XPO4: variants seen among roughly 807,000 people sequenced by gnomAD.
XPO4 encodes exportin 4.
A neutral mutation model predicts 143.0 loss-of-function variants in XPO4; 39 were observed. That is an observed-to-expected ratio of 0.27 (90% CI 0.21 to 0.36). The LOEUF is 0.36. Ranked by LOEUF, XPO4 falls within the 10% of genes least tolerant of loss-of-function variation. The probability of loss-of-function intolerance (pLI) is 1.00; values close to 1 mark genes in which losing one functional copy is unlikely to be tolerated. For synonymous variants in XPO4, 439 were observed against 474.0 expected, an observed-to-expected ratio of 0.93 and a Z score of 0.96; for missense variants, 907 against 1,348.0, an observed-to-expected ratio of 0.67 and a Z score of 5.12.
rs1028403227 is a variant in XPO4 at position 20,796,109 on chromosome 13, G to A, written c.2764C>T (p.Leu922=). The A allele has an allele frequency of 1.9e-6, 3 of 1,613,468 alleles. No homozygotes were observed. The highest frequency in any genetic ancestry group is 1.7e-4 in the Middle Eastern group (1 of 6,058). Residue 922 remains leucine (L), a synonymous_variant, in exon 18 of 23, where the codon CTG becomes TTG. Transcript: ENST00000255305. ...LLIMELLTNL[L]SKEFIDFSDT... ...CTGAAATCTATGAATTCTTTTGACA[G>A]CAGGTTAGTAAGAAGTTCCATAATG...
intron 14 of XPO4, 132 bp downstream of exon 14, chr13:20,800,699 C>T: frequency 8.7e-7 from 1 of 1,154,454 alleles, no homozygotes; most frequent in East Asian, 2.4e-5. Context: ...ACATAATTCT[C>T]TTCCACACAG....
intron 1 of XPO4, among the ~76,000 whole-genome samples, chr13:20,874,114 G>A (rs572648313): frequency 6.6e-6 from 1 of 152,298 alleles, no homozygotes; most frequent in East Asian, 1.9e-4. Context: ...AAGTATTACT[G>A]CTGGCGACAC....
At chr13:20,848,711 A>C (rs1368942303) in intron 4 of XPO4, 1 of 985,294 alleles carries the variant, frequency 1.0e-6, no homozygotes, top group Non-Finnish European at 1.2e-6. Flanking sequence ...TGTTTGGATT[A>C]ATGAATCAGT....
Position 20,782,050 on chromosome 13 carries a change from G to T in XPO4, c.*1672C>A, listed in dbSNP as rs1341784679. 6.6e-6 allele frequency: 1 copy of T among 152,202 alleles called. No homozygotes were observed. 9.4% of individuals were successfully genotyped at this position (152,202 alleles called of 1,614,324 possible). A position where few individuals can be genotyped will look rare whatever the true frequency, so the allele number is the denominator to read the frequency against. On this transcript the variant is annotated 3_prime_UTR_variant, in exon 23 of 23. Transcript: ENST00000255305. ...CAAAGCTAATCAAATTGAGAGAAAT[G>T]TAAGTTATGGCCCAAGGCCCTGCAT... is the stretch of plus-strand genomic sequence containing the variant.
At chr13:20,863,902 C>T (rs1595142520) in intron 2 of XPO4, among the ~76,000 whole-genome samples, 1 of 152,122 alleles carries the variant, frequency 6.6e-6, no homozygotes, top group East Asian at 1.9e-4. Context: ...CCTATTCAAG[C>T]TCAGGTCATT....
intron 1 of XPO4, among the ~76,000 whole-genome samples, chr13:20,892,682 G>C (rs1453071331): frequency 1.3e-5 from 2 of 151,950 alleles, no homozygotes; most frequent in African/African-American, 4.8e-5. Context: ...CCAATAACTT[G>C]AGACCACCCT....
intron 4 of XPO4, chr13:20,848,666 T>C (rs912336310): frequency 2.0e-6 from 2 of 985,280 alleles, no homozygotes; most frequent in Non-Finnish European, 2.4e-6. Context: ...TGAAGCTGTA[T>C]CACTAAAGCA....
At position 20,781,763 on chromosome 13, in the gene XPO4, G is replaced by GCA. The variant is rs2059146664; in HGVS notation, c.*1957_*1958dup. ...CCCTTTGGTAAAGAGACTGTACTTA[G>GCA]CACACACACAGATACACATAATTCA... On this transcript the variant is annotated 3_prime_UTR_variant, in exon 23 of 23. Transcript: ENST00000255305. The GCA allele has an allele frequency of 6.6e-6, 1 of 151,936 alleles. No individual in the cohort carries two copies. The highest frequency in any genetic ancestry group is 1.5e-5 in the Non-Finnish European group (1 of 68,020). 9.4% of individuals were successfully genotyped at this position (151,936 alleles called of 1,614,324 possible).
intron 9 of XPO4, among the ~76,000 whole-genome samples, chr13:20,820,199 C>T (rs1371109054): frequency 2.6e-5 from 4 of 152,230 alleles, no homozygotes; most frequent in African/African-American, 9.6e-5. Context: ...ATAAGCACAA[C>T]ACACATCTGC....
intron 4 of XPO4, chr13:20,849,152 T>C: frequency 1.0e-6 from 1 of 985,458 alleles, no homozygotes; most frequent in Non-Finnish European, 1.2e-6. Context: ...TTGTCTCTTA[T>C]AATAGCCTGG....
chr13:20,834,361 T>TTGAATAA (rs1158705968), intron 6 of XPO4, among the ~76,000 whole-genome samples: 1 of 151,992 alleles, frequency 6.6e-6, no homozygotes, highest in African/African-American at 2.4e-5. Context: ...CAATTTACAA[T>TTGAATAA]TGAATAATAA....
intron 18 of XPO4, among the ~76,000 whole-genome samples, chr13:20,791,135 G>C (rs2059274857): frequency 6.6e-6 from 1 of 151,578 alleles, no homozygotes; most frequent in African/African-American, 2.4e-5. Flanking sequence ...AAATTAATGA[G>C]AATACTAAGA....
Position 20,806,312 on chromosome 13 carries a change from T to C in XPO4, c.1817+1145A>G, listed in dbSNP as rs2137876255. 1.3e-5 allele frequency among the ~76,000 whole-genome samples: 2 copies of C among 152,298 alleles called. 1 individual carries two copies. Among genetic ancestry groups the C allele is most frequent in the African/African-American group, 4.8e-5 (2 of 41,568 alleles). Reference sequence around the variant, plus strand: ...TTGGTTATCAGCTTAATATTTCAACTATTTTTTAAAAAGCCACATTTTCTA... The same window carrying C: ...TTGGTTATCAGCTTAATATTTCAACCATTTTTTAAAAAGCCACATTTTCTA... On this transcript the variant is annotated intron_variant, in intron 13 of 22. Coordinates refer to ENST00000255305, the MANE Select transcript of XPO4 (RefSeq NM_022459.5).
chr13:20,878,423 AAG>A (rs2060375337), intron 1 of XPO4, among the ~76,000 whole-genome samples: 2 of 140,822 alleles, frequency 1.4e-5, no homozygotes, highest in African/African-American at 6.0e-5. Flanking sequence ...AAAAAAAAAG[AAG>A]AAGTAACAAT....
chr13:20,810,955 T>C (rs146533499), intron 9 of XPO4, among the ~76,000 whole-genome samples: 1 of 152,190 alleles, frequency 6.6e-6, no homozygotes, highest in African/African-American at 2.4e-5. Context: ...GAGAAAAAGG[T>C]AGGATGACTA....
intron 7 of XPO4, among the ~76,000 whole-genome samples, chr13:20,823,323 T>C (rs762216308): frequency 1.3e-5 from 2 of 152,238 alleles, no homozygotes; most frequent in African/African-American, 4.8e-5. Context: ...CTCACTGGTA[T>C]GCTGGGCCAC....
chr13:20,789,056 C>T (rs1005785347), intron 19 of XPO4, among the ~76,000 whole-genome samples: 1 of 152,208 alleles, frequency 6.6e-6, no homozygotes, highest in African/African-American at 2.4e-5. Flanking sequence ...TCGGTCTTTA[C>T]ACTTCCAAAA....
At chr13:20,900,105 C>A (rs368829148) in intron 1 of XPO4, among the ~76,000 whole-genome samples, 4 of 152,120 alleles carry the variant, frequency 2.6e-5, no homozygotes, top group Non-Finnish European at 4.4e-5. Context: ...GAAAGTAACA[C>A]GCCAGGTGCA....
intron 3 of XPO4, among the ~76,000 whole-genome samples, chr13:20,862,474 G>C (rs930955663): frequency 3.3e-5 from 5 of 152,058 alleles, no homozygotes; most frequent in African/African-American, 7.2e-5. Flanking sequence ...TAAACATCTA[G>C]AGCTTTTTAA....
Sources: gnomAD v4.1 joint callset for allele counts (sites outside exome capture counted in the v4.1 genomes callset) on GRCh38, gnomAD v4.1.1 for gene constraint, MANE v1.5 for transcripts, NCBI Gene and HGNC (gene_info 2026-07-23, HGNC 2026-07-21) for gene names.